The following SAMD5 variants were observed in gnomAD, a reference collection of about 807,000 sequenced individuals.
SAMD5 encodes the protein sterile alpha motif domain containing 5.
A neutral mutation model predicts 11.3 loss-of-function variants in SAMD5; 13 were observed. That is an observed-to-expected ratio of 1.15 (90% CI 0.75 to 1.83). SAMD5 has a LOEUF of 1.83. Ranked by LOEUF, SAMD5 falls within the 40% of genes most tolerant of loss-of-function variation. The pLI, the probability that SAMD5 is intolerant of heterozygous loss-of-function variation, is 0.00. For synonymous variants in SAMD5, 129 were observed against 111.3 expected, an observed-to-expected ratio of 1.16 and a Z score of -1.00; for missense variants, 255 against 239.1, an observed-to-expected ratio of 1.07 and a Z score of -0.44.
chr6:147,583,787 C>T (rs9497810), intron 1 of SAMD5, among the ~76,000 whole-genome samples: 2,867 of 149,374 alleles, frequency 0.019, 81 homozygotes, highest in African/African-American at 0.067. Context: ...GAATGAGTGA[C>T]CTGATAAAAG....
At chr6:147,793,678 T>G in the SAMD5 span, among the ~76,000 whole-genome samples, 1 of 152,188 alleles carries the variant, frequency 6.6e-6, no homozygotes, top group African/African-American at 2.4e-5. Flanking sequence ...TCATCTTACT[T>G]CTTACCCTTT....
At chr6:147,774,655 C>A in the SAMD5 span, among the ~76,000 whole-genome samples, 18 of 151,848 alleles carry the variant, frequency 1.2e-4, no homozygotes, top group African/African-American at 4.3e-4. Context: ...TTGGTTGAAT[C>A]TGTGGTTGTA....
chr6:147,641,109 G>T (rs977397289), intron 1 of SAMD5, among the ~76,000 whole-genome samples: 1 of 152,184 alleles, frequency 6.6e-6, no homozygotes. Context: ...GTTGAATGGG[G>T]TGGGACACAG....
intron 1 of SAMD5, among the ~76,000 whole-genome samples, chr6:147,532,256 A>G (rs1788441391): frequency 6.6e-6 from 1 of 152,138 alleles, no homozygotes; most frequent in South Asian, 2.1e-4. Context: ...CACTGTACCC[A>G]TTAGGTAGTC....
At chr6:147,725,590 T>C (rs1222108840) in intron 1 of SAMD5, among the ~76,000 whole-genome samples, 1 of 152,194 alleles carries the variant, frequency 6.6e-6, no homozygotes, top group African/African-American at 2.4e-5. Flanking sequence ...GATTTCACCG[T>C]GTTGGCCAGG....
At chr6:147,694,681 G>A (rs1014865306) in intron 1 of SAMD5, among the ~76,000 whole-genome samples, 1 of 152,144 alleles carries the variant, frequency 6.6e-6, no homozygotes, top group Non-Finnish European at 1.5e-5. Flanking sequence ...GCCAGGCACG[G>A]TAGCTCAAAC....
At chr6:147,923,590 T>A in the SAMD5 span, among the ~76,000 whole-genome samples, 1 of 152,220 alleles carries the variant, frequency 6.6e-6, no homozygotes, top group African/African-American at 2.4e-5. Context: ...TTAATTATGT[T>A]CTACAGGTGA....
At chr6:147,687,266 T>TC (rs1491027356) in intron 1 of SAMD5, among the ~76,000 whole-genome samples, 120 of 13,068 alleles carry the variant, frequency 9.2e-3, no homozygotes, top group Non-Finnish European at 0.017. Context: ...CTTCCTTTCC[T>TC]CTCCTCCTTC....
At chr6:147,734,491 C>T (rs942003802) in intron 1 of SAMD5, among the ~76,000 whole-genome samples, 3 of 151,750 alleles carry the variant, frequency 2.0e-5, no homozygotes, top group South Asian at 2.1e-4. Context: ...CCGAGGCGGG[C>T]GGATCACGAG....
chr6:147,526,899 G>A (rs1016333558), intron 1 of SAMD5, among the ~76,000 whole-genome samples: 27 of 152,144 alleles, frequency 1.8e-4, no homozygotes, highest in African/African-American at 5.1e-4. Context: ...TCCAGAAACT[G>A]GGACCTGTCA....
chr6:147,943,868 A>C, the SAMD5 span, among the ~76,000 whole-genome samples: 3 of 152,096 alleles, frequency 2.0e-5, no homozygotes, highest in Admixed American at 1.3e-4. Flanking sequence ...ATGTGTAAAA[A>C]CTGAACTCAT....
intron 1 of SAMD5, among the ~76,000 whole-genome samples, chr6:147,691,773 A>T (rs1791106865): frequency 6.6e-6 from 1 of 152,212 alleles, no homozygotes; most frequent in Non-Finnish European, 1.5e-5. Context: ...TCTGAATGAC[A>T]ACACTGTTCA....
intron 1 of SAMD5, among the ~76,000 whole-genome samples, chr6:147,602,665 A>G (rs1017987394): frequency 6.6e-6 from 1 of 152,072 alleles, no homozygotes; most frequent in Non-Finnish European, 1.5e-5. Context: ...AATCGCTTGA[A>G]CCTGGGAGGC....
the SAMD5 span, among the ~76,000 whole-genome samples, chr6:147,893,029 G>A: frequency 2.0e-5 from 3 of 151,944 alleles, no homozygotes; most frequent in Non-Finnish European, 4.4e-5. Context: ...CCTGACCAAC[G>A]TGGTGAAACC....
the SAMD5 span, among the ~76,000 whole-genome samples, chr6:147,884,072 T>G: frequency 4.6e-5 from 7 of 152,128 alleles, no homozygotes; most frequent in African/African-American, 1.7e-4. Context: ...TGGGTTTTGT[T>G]TTTGTTTTTG....
intron 1 of SAMD5, among the ~76,000 whole-genome samples, chr6:147,607,491 A>G (rs1789720944): frequency 6.6e-6 from 1 of 152,188 alleles, no homozygotes; most frequent in East Asian, 1.9e-4. Flanking sequence ...CACATAGACC[A>G]ATGGGACAGA....
chr6:147,950,318 T>C, the SAMD5 span, among the ~76,000 whole-genome samples: 1 of 152,228 alleles, frequency 6.6e-6, no homozygotes, highest in African/African-American at 2.4e-5. Context: ...CTGTAGGTTC[T>C]GGCTGAAGAG....
the SAMD5 span, among the ~76,000 whole-genome samples, chr6:147,948,730 G>T: frequency 2.0e-5 from 3 of 151,978 alleles, no homozygotes; most frequent in African/African-American, 4.8e-5. Flanking sequence ...TTCTTTTTTG[G>T]TTTTTTGTTT....
the SAMD5 span, among the ~76,000 whole-genome samples, chr6:147,868,491 T>C: frequency 2.0e-5 from 3 of 152,188 alleles, no homozygotes; most frequent in Non-Finnish European, 4.4e-5. Flanking sequence ...ACATCTGCTC[T>C]GCCCTCTTTT....
Sources: allele counts gnomAD v4.1 joint callset (sites outside exome capture counted in the v4.1 genomes callset), GRCh38; gene constraint gnomAD v4.1.1; transcripts MANE v1.5; gene names NCBI Gene and HGNC (gene_info 2026-07-23, HGNC 2026-07-21).